The following R3HCC1L variants were observed in gnomAD, a reference collection of about 807,000 sequenced individuals.
R3HCC1L encodes the protein coiled-coil domain-containing protein R3HCC1L.
Under a neutral mutation model 59.9 loss-of-function variants are expected in R3HCC1L, and 51 were observed. That is an observed-to-expected ratio of 0.85 (90% confidence interval 0.68 to 1.07). The LOEUF (loss-of-function observed/expected upper bound fraction) is 1.07. Ranked by LOEUF, R3HCC1L falls within the 50% of genes least tolerant of loss-of-function variation. The pLI, the probability that R3HCC1L is intolerant of heterozygous loss-of-function variation, is 0.00. For synonymous variants in R3HCC1L, 322 were observed against 315.2 expected, an observed-to-expected ratio of 1.02 and a Z score of -0.23; for missense variants, 965 against 933.0, an observed-to-expected ratio of 1.03 and a Z score of -0.45.
At chr10:98,140,142 G>C (rs1324435733) in intron 1 of R3HCC1L, among the ~76,000 whole-genome samples, 2 of 152,048 alleles carry the variant, frequency 1.3e-5, no homozygotes, top group African/African-American at 2.4e-5. Context: ...TTGGCTTGCA[G>C]TTGTGCTGTT....
chr10:98,239,125 GA>G (rs1857262374), intron 9 of R3HCC1L, among the ~76,000 whole-genome samples: 1 of 152,148 alleles, frequency 6.6e-6, no homozygotes, highest in Non-Finnish European at 1.5e-5. Flanking sequence ...TAATCATGGA[GA>G]ATTTTTTGAG....
intron 1 of R3HCC1L, among the ~76,000 whole-genome samples, chr10:98,151,664 C>T (rs1293305785): frequency 6.6e-6 from 1 of 151,920 alleles, no homozygotes. Flanking sequence ...TTGGCCTAAA[C>T]CTTAGAGAAG....
At chr10:98,212,802 G>A (rs760270984) in intron 5 of R3HCC1L, among the ~76,000 whole-genome samples, 1 of 152,106 alleles carries the variant, frequency 6.6e-6, no homozygotes, top group Non-Finnish European at 1.5e-5. Flanking sequence ...ACCAGCATTT[G>A]TTACCTTCAT....
At chr10:98,145,675 G>C (rs1031831441) in intron 1 of R3HCC1L, among the ~76,000 whole-genome samples, 1 of 152,126 alleles carries the variant, frequency 6.6e-6, no homozygotes, top group African/African-American at 2.4e-5. Flanking sequence ...ATTCTCGCTG[G>C]GCGCGGTGGC....
chr10:98,148,887 A>G (rs1845901222), intron 1 of R3HCC1L, among the ~76,000 whole-genome samples: 1 of 152,214 alleles, frequency 6.6e-6, no homozygotes, highest in South Asian at 2.1e-4. Flanking sequence ...CTGGCTGTGT[A>G]GAATGAGTTG....
At chr10:98,223,654 G>A (rs1262258372) in intron 5 of R3HCC1L, among the ~76,000 whole-genome samples, 2 of 151,998 alleles carry the variant, frequency 1.3e-5, no homozygotes, top group African/African-American at 2.4e-5. Flanking sequence ...AGTTATTTGT[G>A]TCTGTGAGTT....
intron 1 of R3HCC1L, among the ~76,000 whole-genome samples, chr10:98,145,875 G>A (rs1845601880): frequency 6.6e-6 from 1 of 152,010 alleles, no homozygotes; most frequent in South Asian, 2.1e-4. Context: ...CTTGAACCCT[G>A]GAGGCGGAGG....
intron 2 of R3HCC1L, among the ~76,000 whole-genome samples, chr10:98,160,240 C>T (rs1847274817): frequency 6.6e-6 from 1 of 152,158 alleles, no homozygotes; most frequent in African/African-American, 2.4e-5. Flanking sequence ...TTTCGTTTAG[C>T]CTAAGGGCAG....
chr10:98,139,530 C>T (rs1014637948), intron 1 of R3HCC1L, among the ~76,000 whole-genome samples: 11 of 152,192 alleles, frequency 7.2e-5, no homozygotes, highest in African/African-American at 1.7e-4. Context: ...ATGTGCTCTT[C>T]GCTAGTGCAG....
chr10:98,226,802 A>G (rs998370473), intron 5 of R3HCC1L, among the ~76,000 whole-genome samples: 5 of 152,058 alleles, frequency 3.3e-5, no homozygotes, highest in Admixed American at 1.3e-4. Context: ...ACGTTTAAGA[A>G]TTTATTAAAG....
chr10:98,182,161 C>T (rs1028375889), intron 4 of R3HCC1L, among the ~76,000 whole-genome samples: 9 of 152,136 alleles, frequency 5.9e-5, no homozygotes, highest in Admixed American at 2.0e-4. Context: ...TATCTACCTC[C>T]GGTCTTTGAT....
At chr10:98,222,731 A>G (rs1855171407) in intron 5 of R3HCC1L, among the ~76,000 whole-genome samples, 1 of 152,232 alleles carries the variant, frequency 6.6e-6, no homozygotes, top group African/African-American at 2.4e-5. Context: ...AACCCTTCAA[A>G]AAATTAATGA....
intron 5 of R3HCC1L, among the ~76,000 whole-genome samples, chr10:98,214,379 T>C (rs1335342672): frequency 1.3e-5 from 2 of 152,086 alleles, no homozygotes; most frequent in Non-Finnish European, 2.9e-5. Flanking sequence ...TCAGGGTATA[T>C]ATATAGTAAA....
At chr10:98,174,322 C>T (rs918826050) in intron 4 of R3HCC1L, 39 of 262,514 alleles carry the variant, frequency 1.5e-4, no homozygotes, top group Non-Finnish European at 2.2e-4. Flanking sequence ...CCGTTGCCTC[C>T]GTTTCTCAAA....
intron 5 of R3HCC1L, chr10:98,231,114 T>A: frequency 2.7e-6 from 1 of 374,126 alleles, no homozygotes; most frequent in South Asian, 2.1e-5. Context: ...AAAGAAACTA[T>A]GAGCCTGGTC....
intron 5 of R3HCC1L, chr10:98,231,004 G>T (rs1195991166): frequency 2.4e-6 from 1 of 414,988 alleles, no homozygotes; most frequent in East Asian, 7.1e-5. Flanking sequence ...GCCTTTGTAA[G>T]CTGTCTCCTC....
chr10:98,222,200 G>A (rs1229392624), intron 5 of R3HCC1L, among the ~76,000 whole-genome samples: 4 of 152,162 alleles, frequency 2.6e-5, no homozygotes, highest in African/African-American at 9.7e-5. Context: ...TGGTGTATAA[G>A]AATGCTTGTG....
chr10:98,183,260 C>T (rs1849838936), intron 4 of R3HCC1L, among the ~76,000 whole-genome samples: 1 of 149,832 alleles, frequency 6.7e-6, no homozygotes. Flanking sequence ...ACAGTTTTTT[C>T]TTTCAGCACT....
At chr10:98,211,705 C>T (rs991642555) in intron 5 of R3HCC1L, among the ~76,000 whole-genome samples, 2 of 151,942 alleles carry the variant, frequency 1.3e-5, no homozygotes, top group Non-Finnish European at 2.9e-5. Context: ...CAATGGATGG[C>T]GTTGATAGGG....
Sources: gnomAD v4.1 joint callset for allele counts (sites outside exome capture counted in the v4.1 genomes callset) on GRCh38, gnomAD v4.1.1 for gene constraint, MANE v1.5 for transcripts, NCBI Gene and HGNC (gene_info 2026-07-23, HGNC 2026-07-21) for gene names.